Variants in CNTN5 observed in about 807,000 individuals in gnomAD.
The protein encoded by CNTN5 is contactin-5.
In CNTN5, 77 loss-of-function variants were observed where a neutral mutation model predicts 129.1. That is an observed-to-expected ratio of 0.60 (90% CI 0.50 to 0.72). The LOEUF is 0.72. CNTN5 is among the 30% of genes least tolerant of loss of function. CNTN5 has a pLI of 0.00. For synonymous variants in CNTN5, 509 were observed against 465.6 expected, an observed-to-expected ratio of 1.09 and a Z score of -1.20; for missense variants, 1,478 against 1,328.8, an observed-to-expected ratio of 1.11 and a Z score of -1.75.
chr11:99,585,353 G>C (rs1949758860), intron 3 of CNTN5, among the ~76,000 whole-genome samples: 2 of 152,026 alleles, frequency 1.3e-5, no homozygotes, highest in Non-Finnish European at 2.9e-5. Context: ...GCTTCAAAAA[G>C]AACAAAACTA....
intron 1 of CNTN5, among the ~76,000 whole-genome samples, chr11:99,271,695 T>A (rs779816670): frequency 2.1e-4 from 32 of 151,774 alleles, no homozygotes; most frequent in Admixed American, 7.9e-4. Flanking sequence ...AGAATTCACT[T>A]CCAAGAGAAC....
chr11:100,048,455 T>G (rs1182478001), intron 9 of CNTN5, among the ~76,000 whole-genome samples: 4 of 152,116 alleles, frequency 2.6e-5, no homozygotes, highest in African/African-American at 9.7e-5. Flanking sequence ...TAAATCTATC[T>G]CTTGTTGATT....
chr11:99,201,236 G>A lies in CNTN5; in HGVS notation c.-209-124110G>A, dbSNP rs186714292. Among the ~76,000 whole-genome samples, 613 of 151,370 alleles carry A rather than the reference G, an allele frequency of 4.0e-3. 2 individuals carry two copies. Among genetic ancestry groups the A allele is most frequent in the African/African-American group, 0.014 (573 of 41,282 alleles). On this transcript the variant is annotated intron_variant, in intron 1 of 24. Transcript: ENST00000524871. Reference sequence around the variant, plus strand: ...AGATGGGGTTTCACCATATTGGCCAGGCTGGTCTCAAGCTCCTGACCCCGT... The same window carrying A: ...AGATGGGGTTTCACCATATTGGCCAAGCTGGTCTCAAGCTCCTGACCCCGT...
At chr11:100,082,376 G>C (rs1944399306) in intron 13 of CNTN5, among the ~76,000 whole-genome samples, 1 of 152,140 alleles carries the variant, frequency 6.6e-6, no homozygotes, top group Admixed American at 6.6e-5. Context: ...CGACCTTCCA[G>C]GGTCAAGCAT....
chr11:99,036,882 G>T (rs566723521), intron 1 of CNTN5, among the ~76,000 whole-genome samples: 2 of 152,266 alleles, frequency 1.3e-5, no homozygotes, highest in East Asian at 1.9e-4. Flanking sequence ...CGCCAGTGAT[G>T]TTCTGAGTTG....
chr11:100,295,868 T>G (rs1951089796), intron 18 of CNTN5, among the ~76,000 whole-genome samples: 1 of 151,498 alleles, frequency 6.6e-6, no homozygotes, highest in African/African-American at 2.4e-5. Flanking sequence ...TTACCCATAA[T>G]GTTATTTAAA....
chr11:99,942,872 G>T (rs1950470989), intron 7 of CNTN5, among the ~76,000 whole-genome samples: 1 of 151,842 alleles, frequency 6.6e-6, no homozygotes, highest in Non-Finnish European at 1.5e-5. Context: ...CTTTTTTATG[G>T]CTGCATAGTA....
intron 2 of CNTN5, among the ~76,000 whole-genome samples, chr11:99,527,621 C>G (rs1377756110): frequency 6.6e-6 from 1 of 152,104 alleles, no homozygotes; most frequent in Non-Finnish European, 1.5e-5. Flanking sequence ...AATAACCTCT[C>G]TATTTTCATT....
intron 2 of CNTN5, among the ~76,000 whole-genome samples, chr11:99,538,854 A>T (rs1344383370): frequency 6.6e-6 from 1 of 152,098 alleles, no homozygotes; most frequent in Non-Finnish European, 1.5e-5. Flanking sequence ...GACTTCAAAC[A>T]TTTATTTTGC....
chr11:99,897,793 T>A (rs191310140), intron 6 of CNTN5, among the ~76,000 whole-genome samples: 2 of 152,272 alleles, frequency 1.3e-5, no homozygotes, highest in African/African-American at 4.8e-5. Context: ...AACTTACATA[T>A]CAATATTAAT....
intron 17 of CNTN5, among the ~76,000 whole-genome samples, chr11:100,263,563 CT>C (rs1230108391): frequency 6.6e-6 from 1 of 151,942 alleles, no homozygotes; most frequent in African/African-American, 2.4e-5. Context: ...TAGATAATTG[CT>C]CATATCAGCC....
At chr11:99,021,635 G>A (rs1342998990) in intron 1 of CNTN5, among the ~76,000 whole-genome samples, 1 of 152,214 alleles carries the variant, frequency 6.6e-6, no homozygotes, top group Non-Finnish European at 1.5e-5. Context: ...TTGGAAAATA[G>A]GATGCCGTTC....
At chr11:100,021,878 AG>A (rs1290143678) in intron 9 of CNTN5, among the ~76,000 whole-genome samples, 9 of 152,200 alleles carry the variant, frequency 5.9e-5, no homozygotes, top group African/African-American at 2.2e-4. Context: ...AGAGTTAAAA[AG>A]CCAAAGAACT....
chr11:99,166,198 C>A (rs1243899854), intron 1 of CNTN5, among the ~76,000 whole-genome samples: 1 of 151,868 alleles, frequency 6.6e-6, no homozygotes, highest in Non-Finnish European at 1.5e-5. Flanking sequence ...ATCAGGAGAT[C>A]GAGACTATCC....
At chr11:99,242,390 C>G (rs1861604675) in intron 1 of CNTN5, among the ~76,000 whole-genome samples, 1 of 152,044 alleles carries the variant, frequency 6.6e-6, no homozygotes, top group African/African-American at 2.4e-5. Flanking sequence ...AAAGTATTTA[C>G]ATTAAGACAA....
chr11:99,126,169 TAAAAA>T (rs1858621526), intron 1 of CNTN5, among the ~76,000 whole-genome samples: 1 of 152,180 alleles, frequency 6.6e-6, no homozygotes, highest in African/African-American at 2.4e-5. Context: ...ACAGATTCAG[TAAAAA>T]ATGTCCACCG....
chr11:99,529,356 C>T (rs1349988467), intron 2 of CNTN5, among the ~76,000 whole-genome samples: 1 of 152,196 alleles, frequency 6.6e-6, no homozygotes, highest in Non-Finnish European at 1.5e-5. Flanking sequence ...CACAAATCTA[C>T]CCCTTGTCAA....
chr11:99,631,503 C>T (rs1951348760), intron 3 of CNTN5, among the ~76,000 whole-genome samples: 1 of 151,568 alleles, frequency 6.6e-6, no homozygotes, highest in Non-Finnish European at 1.5e-5. Context: ...TGTAGTTAAA[C>T]CAAACTGTTT....
chr11:100,180,484 G>T (rs1438297114), intron 13 of CNTN5, among the ~76,000 whole-genome samples: 1 of 151,892 alleles, frequency 6.6e-6, no homozygotes, highest in Non-Finnish European at 1.5e-5. Flanking sequence ...ACCTCAAAAT[G>T]AATCAGAGAC....
Sources: allele counts gnomAD v4.1 joint callset (sites outside exome capture counted in the v4.1 genomes callset), GRCh38; gene constraint gnomAD v4.1.1; transcripts MANE v1.5; gene names NCBI Gene and HGNC (gene_info 2026-07-23, HGNC 2026-07-21).